The following TRERF1 variants were observed in gnomAD, a reference collection of about 807,000 sequenced individuals.
TRERF1 encodes the protein transcriptional-regulating factor 1.
TRERF1 carries 27 observed loss-of-function variants against 122.9 expected under a neutral mutation model. The ratio of observed to expected loss-of-function variants is 0.22; its 90% CI spans 0.16 to 0.30. The LOEUF is 0.30. TRERF1 is among the 10% of genes least tolerant of loss of function. The probability of loss-of-function intolerance (pLI) is 1.00; values close to 1 mark genes in which losing one functional copy is unlikely to be tolerated. For missense variants in TRERF1, 1,248 were observed against 1,560.3 expected (o/e 0.80, Z 3.37); for synonymous variants, 636 against 641.7 (o/e 0.99, Z 0.13).
intron 3 of TRERF1, among the ~76,000 whole-genome samples, chr6:42,345,336 C>G (rs1768067494): frequency 6.6e-6 from 1 of 152,238 alleles, no homozygotes. Context: ...CACACATACA[C>G]ACACACGGGA....
chr6:42,388,367 A>C (rs1777164869), intron 2 of TRERF1, among the ~76,000 whole-genome samples: 1 of 152,120 alleles, frequency 6.6e-6, no homozygotes, highest in Admixed American at 6.6e-5. Context: ...CTTCAAAACC[A>C]GAAGACTAGG....
chr6:42,298,154 T>C (rs1785415215), intron 4 of TRERF1, among the ~76,000 whole-genome samples: 2 of 151,756 alleles, frequency 1.3e-5, no homozygotes, highest in South Asian at 2.1e-4. Flanking sequence ...TTTGTTTTTG[T>C]TTTTGTTTTT....
At chr6:42,379,610 A>G (rs1046091845) in intron 2 of TRERF1, among the ~76,000 whole-genome samples, 8 of 152,154 alleles carry the variant, frequency 5.3e-5, no homozygotes, top group African/African-American at 1.9e-4. Context: ...AGCTCACTGC[A>G]GCCTTGACTT....
chr6:42,373,818 C>CA (rs1308250272), intron 2 of TRERF1, among the ~76,000 whole-genome samples: 2,495 of 116,080 alleles, frequency 0.021, 64 homozygotes, highest in African/African-American at 0.07. Context: ...GCAACAAGAG[C>CA]AAAAAAAAAA....
At chr6:42,262,284 CTCCCTCT>C in intron 8 of TRERF1, among the ~76,000 whole-genome samples, 1 of 152,002 alleles carries the variant, frequency 6.6e-6, no homozygotes, top group African/African-American at 2.4e-5. Context: ...ATTATCTTCT[CTCCCTCT>C]ACCCTGGCCC....
At chr6:42,427,299 C>A (rs1424263177) in intron 2 of TRERF1, among the ~76,000 whole-genome samples, 1 of 152,160 alleles carries the variant, frequency 6.6e-6, no homozygotes, top group African/African-American at 2.4e-5. Context: ...CACTCTACCA[C>A]CCAGCTGAAA....
At chr6:42,360,885 G>A (rs1197631103) in intron 3 of TRERF1, among the ~76,000 whole-genome samples, 3 of 150,816 alleles carry the variant, frequency 2.0e-5, no homozygotes, top group African/African-American at 7.3e-5. Context: ...GCAGGTACAT[G>A]AGCTGATTAA....
At chr6:42,323,230 G>A (rs1419282963) in intron 3 of TRERF1, among the ~76,000 whole-genome samples, 17 of 147,030 alleles carry the variant, frequency 1.2e-4, no homozygotes, top group African/African-American at 3.8e-4. Context: ...ATGGAGTCTC[G>A]CTCTGTCGCC....
chr6:42,447,959 C>A, intron 2 of TRERF1, among the ~76,000 whole-genome samples: 1 of 152,212 alleles, frequency 6.6e-6, no homozygotes, highest in Non-Finnish European at 1.5e-5. Flanking sequence ...CTGCCTCGGC[C>A]TCCCAAAGTG....
chr6:42,259,702 G>A lies in TRERF1; in HGVS notation c.1906C>T (p.Pro636Ser), dbSNP rs1777476535. ...GGCTCCTCGGCTTTGGGCACACTCGGCTGATGCTTCCTGGGGATTTCCTAA... is the reference window on the plus strand; with the variant it reads ...GGCTCCTCGGCTTTGGGCACACTCGACTGATGCTTCCTGGGGATTTCCTAA... The change falls in exon 9 of 18, where the codon CCG (proline) becomes TCG (serine). Residue 636 changes from proline (P) to serine (S), a missense_variant. By Grantham distance (74) the Pro-to-Ser change is moderately conservative. Transcript: ENST00000372922. The surrounding 1 kb of genome is among the most constrained non-coding windows in gnomAD (Gnocchi z 4.9). 6.2e-7 allele frequency: 1 copy of A among 1,603,862 alleles called. No individual in the cohort carries two copies. Among genetic ancestry groups the A allele is most frequent in the Non-Finnish European group, 8.5e-7 (1 of 1,179,970 alleles).
intron 2 of TRERF1, among the ~76,000 whole-genome samples, chr6:42,389,371 C>A (rs1777329689): frequency 6.6e-6 from 1 of 152,264 alleles, no homozygotes; most frequent in South Asian, 2.1e-4. Flanking sequence ...AAGCCCAGCT[C>A]TCTCAGAAAC....
Position 42,263,482 on chromosome 6 carries a change from G to C in TRERF1, c.1722C>G (p.Pro574=). The C allele has an allele frequency of 6.3e-7, 1 of 1,589,112 alleles. No homozygotes were observed. ...CCATAGGCGTGAGGCTTTCTGCCTC[G>C]GGAGGGAGCTGTGGTGGCGGCGGAG... The change falls in exon 8 of 18, where the codon CCC becomes CCG. Residue 574 remains proline, a synonymous_variant. Transcript: ENST00000372922. This position sits in a 1 kb window ranked among gnomAD's most constrained non-coding sequence, Gnocchi z 5.6.
intron 14 of TRERF1, among the ~76,000 whole-genome samples, chr6:42,244,551 A>G (rs1774402545): frequency 1.3e-5 from 2 of 152,138 alleles, no homozygotes; most frequent in Non-Finnish European, 2.9e-5. Context: ...ATCTTTCCTC[A>G]CAAAAGGGAG....
At chr6:42,317,652 A>C (rs887117705) in intron 3 of TRERF1, among the ~76,000 whole-genome samples, 1 of 152,078 alleles carries the variant, frequency 6.6e-6, no homozygotes, top group Non-Finnish European at 1.5e-5. Flanking sequence ...CCCAGACCTC[A>C]ATAATTTTTA....
chr6:42,361,680 T>C (rs1274756212), intron 3 of TRERF1, among the ~76,000 whole-genome samples: 7 of 152,168 alleles, frequency 4.6e-5, no homozygotes, highest in African/African-American at 9.7e-5. Flanking sequence ...AAAGCCTCTT[T>C]TGGTCTAAAG....
intron 4 of TRERF1, among the ~76,000 whole-genome samples, chr6:42,290,035 C>A (rs1784033028): frequency 2.0e-5 from 3 of 152,190 alleles, no homozygotes; most frequent in African/African-American, 7.2e-5. Flanking sequence ...ACCGTGGCAG[C>A]TGGACCGAGG....
intron 3 of TRERF1, among the ~76,000 whole-genome samples, chr6:42,319,914 T>C (rs1247288447): frequency 2.0e-5 from 3 of 151,804 alleles, no homozygotes; most frequent in Non-Finnish European, 4.4e-5. Context: ...TGTTTGTTTT[T>C]GTTTTGAGAT....
intron 4 of TRERF1, among the ~76,000 whole-genome samples, chr6:42,283,797 G>A (rs1782726989): frequency 6.6e-6 from 1 of 151,662 alleles, no homozygotes; most frequent in African/African-American, 2.4e-5. Context: ...TGTATTTTTA[G>A]TAGAGACGGG....
chr6:42,378,862 T>C (rs1427725205), intron 2 of TRERF1, among the ~76,000 whole-genome samples: 1 of 152,094 alleles, frequency 6.6e-6, no homozygotes, highest in African/African-American at 2.4e-5. Context: ...ATACCTCTAA[T>C]CCCAGCACTT....
Sources: allele counts gnomAD v4.1 joint callset (sites outside exome capture counted in the v4.1 genomes callset), GRCh38; gene constraint gnomAD v4.1.1; non-coding constraint Gnocchi (gnomAD v3.1); transcripts MANE v1.5; gene names NCBI Gene and HGNC (gene_info 2026-07-23, HGNC 2026-07-21).